The following DEF6 variants were observed in gnomAD, a reference collection of about 807,000 sequenced individuals.
The protein encoded by DEF6 is DEF6 guanine nucleotide exchange factor, also known as differentially expressed in FDCP 6 homolog.
DEF6 carries 32 observed loss-of-function variants against 80.5 expected under a neutral mutation model. The observed-to-expected ratio is 0.40, with a 90% confidence interval of 0.30 to 0.53. DEF6 has a LOEUF of 0.53. Among genes scored for constraint, DEF6 ranks in the 20% least tolerant of loss-of-function variants. The probability of loss-of-function intolerance (pLI) is 0.57; values close to 1 mark genes in which losing one functional copy is unlikely to be tolerated. For synonymous variants in DEF6, 300 were observed against 337.9 expected (o/e 0.89, Z 1.23); for missense variants, 575 against 818.7 (o/e 0.70, Z 3.63).
intron 1 of DEF6, among the ~76,000 whole-genome samples, chr6:35,305,899 G>T (rs1452573657): frequency 6.6e-6 from 1 of 151,284 alleles, no homozygotes; most frequent in African/African-American, 2.4e-5. Context: ...TTTTGTTTTT[G>T]TTTTAATTTT....
intron 1 of DEF6, among the ~76,000 whole-genome samples, chr6:35,308,722 TAAAATA>T (rs1562147987): frequency 7.0e-6 from 1 of 141,978 alleles, no homozygotes; most frequent in African/African-American, 2.6e-5. Context: ...TAAAATAAAA[TAAAATA>T]AATAAAATAA....
intron 5 of DEF6, among the ~76,000 whole-genome samples, chr6:35,314,368 T>C (rs890906423): frequency 6.9e-5 from 10 of 145,446 alleles, no homozygotes; most frequent in South Asian, 2.1e-4. Context: ...GATTGCACCA[T>C]TGCACTTCAG....
At chr6:35,301,148 T>C (rs1240101900) in intron 1 of DEF6, among the ~76,000 whole-genome samples, 2 of 152,134 alleles carry the variant, frequency 1.3e-5, no homozygotes, top group Admixed American at 6.5e-5. Flanking sequence ...TGAGAATCAA[T>C]GAGCTTCAGG....
intron 1 of DEF6, among the ~76,000 whole-genome samples, chr6:35,308,727 TAAATAAAATAATAAAATAA>T (rs1562148003): frequency 2.3e-4 from 27 of 118,498 alleles, no homozygotes; most frequent in South Asian, 2.7e-4. Context: ...TAAAATAAAA[TAAATAAAATAATAAAATAA>T]AATAAAATAA....
In DEF6 at chr6:35,321,218, A is replaced by G. The variant is rs761327865; in HGVS notation, c.1704A>G (p.Ser568=). The stretch of plus-strand genomic sequence containing the variant: ...GTCCGGTCACCAGCAGCTCCTTCTC[A>G]GGCTTCCAGCCCCCTCTGCTTGCCC... ...DKRPVTSSSF[S]GFQPPLLAHR... is the part of the protein sequence containing the mutation. Residue 568 remains serine (S), a synonymous_variant, in exon 11 of 11, where the codon TCA becomes TCG. Coordinates refer to ENST00000316637, the MANE Select transcript of DEF6 (RefSeq NM_022047.4). The G allele has an allele frequency of 5.6e-6, 9 of 1,612,710 alleles. No homozygotes were observed. In the South Asian group the frequency reaches 8.8e-5, roughly 16 times the overall value.
At chr6:35,303,084 C>T (rs536865956) in intron 1 of DEF6, among the ~76,000 whole-genome samples, 1 of 152,144 alleles carries the variant, frequency 6.6e-6, no homozygotes, top group Non-Finnish European at 1.5e-5. Flanking sequence ...CACCCAGGCA[C>T]AGGAAGCTGA....
chr6:35,307,811 G>A (rs150654573), intron 1 of DEF6, among the ~76,000 whole-genome samples: 2 of 152,280 alleles, frequency 1.3e-5, no homozygotes, highest in Admixed American at 6.5e-5. Flanking sequence ...CTGAGGCAAA[G>A]TCTCAATACT....
intron 1 of DEF6, among the ~76,000 whole-genome samples, chr6:35,300,358 C>G (rs1791298091): frequency 6.6e-6 from 1 of 152,098 alleles, no homozygotes; most frequent in African/African-American, 2.4e-5. Flanking sequence ...CGTTAGGGTC[C>G]TGGGTTGGAA....
rs764514423 is a variant in DEF6 at position 35,303,139 on chromosome 6, C to G, written c.96+5187C>G. Among the ~76,000 whole-genome samples the G allele has an allele frequency of 1.4e-4, 21 of 152,134 alleles. 3 individuals carry two copies. Among genetic ancestry groups the G allele is most frequent in the Non-Finnish European group, 2.9e-5 (2 of 68,018 alleles). On this transcript the variant is annotated intron_variant, in intron 1 of 10. Transcript: ENST00000316637. ...CTCTCTGGAGAGAGGCCCTGAGTGT[C>G]TGGGCATTTAATTCTTCCTTGTCCT...
rs1791484898 is a variant in DEF6, at chr6:35,312,804, C to T, written c.807+32C>T. The T allele has an allele frequency of 6.3e-7, 1 of 1,597,734 alleles. No homozygotes were observed. The highest frequency in any genetic ancestry group is 8.5e-7 in the Non-Finnish European group (1 of 1,172,102). ...GGCAGGATGGGGGTGGAGGACATCT[C>T]AGGGCCCAGAGTGTCCTCAGGGGCA... On this transcript the variant is annotated intron_variant, in intron 5 of 10. Coordinates refer to ENST00000316637, the MANE Select transcript of DEF6 (RefSeq NM_022047.4). The surrounding 1 kb of genome is among the most constrained non-coding windows in gnomAD (Gnocchi z 6.6).
intron 1 of DEF6, among the ~76,000 whole-genome samples, chr6:35,299,254 A>G (rs1362099940): frequency 6.6e-6 from 1 of 152,112 alleles, no homozygotes; most frequent in Non-Finnish European, 1.5e-5. Flanking sequence ...AGATCATGTC[A>G]TTTGGTTGGG....
At chr6:35,309,944 G>T in intron 2 of DEF6, 134 bp downstream of exon 2, 1 of 1,080,634 alleles carries the variant, frequency 9.3e-7, no homozygotes. Context: ...GTCCGTGACT[G>T]CTGTCCCATC....
rs200654355 is a variant in DEF6 at position 35,318,182 on chromosome 6, T to C, written c.926T>C (p.Met309Thr). 5.9e-4 allele frequency: 917 copies of C among 1,562,816 alleles called. No individual in the cohort carries two copies. Among genetic ancestry groups the C allele is most frequent in the Admixed American group, 7.6e-4 (39 of 51,590 alleles). Residue 309 changes from methionine (M) to threonine (T), a missense_variant, in exon 7 of 11, where the codon ATG becomes ACG. Physicochemically the swap from Met to Thr is moderately conservative, Grantham distance 81. Transcript: ENST00000316637. The surrounding 1 kb of genome is among the most constrained non-coding windows in gnomAD (Gnocchi z 5.1). ...TCCCGCTCTTCGGCAGCCATCCAGA[T>C]GGCGATCCGGCTGCAGGCCGAGGGG... ...QRQEWTAAIQ[M>T]AIRLQAEGKT...
Position 35,300,214 on chromosome 6 carries a change from C to G in DEF6, c.96+2262C>G, listed in dbSNP as rs549429627. Reference sequence around the variant, plus strand: ...TTTTTTTATTTTTTATTTTTTAGAGCCTGAGTCTCATTATGTTGCCCCGGC... The same window carrying G: ...TTTTTTTATTTTTTATTTTTTAGAGGCTGAGTCTCATTATGTTGCCCCGGC... On this transcript the variant is annotated intron_variant, in intron 1 of 10. Transcript: ENST00000316637. 7.3e-4 allele frequency among the ~76,000 whole-genome samples: 111 copies of G among 152,102 alleles called. 1 individual carries two copies. In the Middle Eastern group the frequency reaches 0.01, roughly 14 times the overall value.
intron 5 of DEF6, chr6:35,313,338 C>A (rs977277766): frequency 2.6e-5 from 11 of 423,536 alleles, no homozygotes; most frequent in African/African-American, 4.2e-5. Flanking sequence ...TTAAAAAATT[C>A]TTTTGATATA....
chr6:35,305,708 G>A (rs1791380332), intron 1 of DEF6, among the ~76,000 whole-genome samples: 1 of 151,884 alleles, frequency 6.6e-6, no homozygotes, highest in Admixed American at 6.6e-5. Context: ...CTGTAACTGG[G>A]ATTACAGCCG....
At chr6:35,305,664 C>T (rs1005819176) in intron 1 of DEF6, among the ~76,000 whole-genome samples, 3 of 151,890 alleles carry the variant, frequency 2.0e-5, no homozygotes, top group Non-Finnish European at 2.9e-5. Context: ...ACCGCCACCT[C>T]CCAGGTTCAA....
chr6:35,312,315 T>G lies in DEF6; in HGVS notation c.437T>G (p.Leu146Arg). 1 of 1,613,894 alleles carries G rather than the reference T, an allele frequency of 6.2e-7. No homozygotes were observed. Among genetic ancestry groups the G allele is most frequent in the Non-Finnish European group, 8.5e-7 (1 of 1,179,866 alleles). ...IMVPDEVEYL[L>R]KKVLSSMSLE... ...CTCCTGCTCCAGGTGGAATACCTGC[T>G]GAAAAAGGTACTCAGCAGCATGAGC... The change falls in exon 4 of 11, where the codon CTG becomes CGG. Residue 146 changes from leucine (L) to arginine (R), a missense_variant. Leu to Arg is a moderately radical substitution (Grantham distance 102). Transcript: ENST00000316637. This position sits in a 1 kb window ranked among gnomAD's most constrained non-coding sequence, Gnocchi z 6.6.
intron 1 of DEF6, among the ~76,000 whole-genome samples, chr6:35,307,219 C>T (rs1163792349): frequency 1.3e-5 from 2 of 152,146 alleles, no homozygotes; most frequent in Admixed American, 6.5e-5. Context: ...GCCAACATAG[C>T]GAAATTCCAT....
Sources: allele counts gnomAD v4.1 joint callset (sites outside exome capture counted in the v4.1 genomes callset), GRCh38; gene constraint gnomAD v4.1.1; non-coding constraint Gnocchi (gnomAD v3.1); transcripts MANE v1.5; gene names NCBI Gene and HGNC (gene_info 2026-07-23, HGNC 2026-07-21).